VTCN1: variants seen among roughly 807,000 people sequenced by gnomAD.
VTCN1 encodes the protein V-set domain containing T cell activation inhibitor 1.
VTCN1 carries 26 observed loss-of-function variants against 26.5 expected under a neutral mutation model. The observed-to-expected ratio is 0.98, with a 90% CI of 0.72 to 1.36. The LOEUF (loss-of-function observed/expected upper bound fraction) is 1.36, where lower values mean the gene tolerates loss of function less well. Among genes scored for constraint, VTCN1 ranks in the 40% most tolerant of loss-of-function variants. The pLI is 0.00. For synonymous variants in VTCN1, 116 were observed against 130.7 expected (o/e 0.89, Z 0.77); for missense variants, 298 against 337.7 (o/e 0.88, Z 0.92).
At chr1:117,207,824 A>G (rs1479610383) in intron 1 of VTCN1, among the ~76,000 whole-genome samples, 1 of 152,116 alleles carries the variant, frequency 6.6e-6, no homozygotes, top group Non-Finnish European at 1.5e-5. Context: ...CCAATCATTG[A>G]TCAAATATCA....
At chr1:117,204,598 G>T (rs113700403) in intron 1 of VTCN1, among the ~76,000 whole-genome samples, 2,710 of 152,186 alleles carry the variant, frequency 0.018, 80 homozygotes, top group African/African-American at 0.061. Flanking sequence ...CAGTTGCGGT[G>T]GCTCACGCCT....
chr1:117,170,561 T>C (rs2101520452), intron 1 of VTCN1, among the ~76,000 whole-genome samples: 1 of 152,316 alleles, frequency 6.6e-6, no homozygotes, highest in Middle Eastern at 3.4e-3. Flanking sequence ...CACTCTCTTG[T>C]GTCATTTGTC....
At position 117,202,027 on chromosome 1, in the gene VTCN1, C is replaced by G. The variant is rs145499585; in HGVS notation, c.32+8797G>C. Among the ~76,000 whole-genome samples the G allele has an allele frequency of 3.6e-3, 551 of 152,296 alleles. 2 individuals are homozygous for G. The highest frequency in any genetic ancestry group is 0.012 in the African/African-American group (511 of 41,566). On this transcript the variant is annotated intron_variant, in intron 1 of 5. Transcript: ENST00000369458. ...TATCTCAAGCTTTAAGGGCTTATGCCTGGGGCTCCTCTGGATGTGAAAAGA... is the reference window on the plus strand; with the variant it reads ...TATCTCAAGCTTTAAGGGCTTATGCGTGGGGCTCCTCTGGATGTGAAAAGA...
At chr1:117,150,893 T>C (rs1046787930) in intron 4 of VTCN1, among the ~76,000 whole-genome samples, 1 of 152,236 alleles carries the variant, frequency 6.6e-6, no homozygotes, top group African/African-American at 2.4e-5. Context: ...GACTGGCTTA[T>C]TTCACATAGA....
At chr1:117,189,679 T>C (rs1236473147) in intron 1 of VTCN1, among the ~76,000 whole-genome samples, 3 of 152,190 alleles carry the variant, frequency 2.0e-5, no homozygotes, top group African/African-American at 7.2e-5. Context: ...TCATTAGTTA[T>C]CGATAGCTAG....
intron 1 of VTCN1, among the ~76,000 whole-genome samples, chr1:117,178,888 C>G (rs1647524988): frequency 1.3e-5 from 2 of 152,142 alleles, no homozygotes; most frequent in South Asian, 4.1e-4. Context: ...CCACACCCAG[C>G]CTTATGAATG....
At chr1:117,210,785 C>A in intron 1 of VTCN1, 39 bp downstream of exon 1, 1 of 1,610,686 alleles carries the variant, frequency 6.2e-7, no homozygotes, top group Non-Finnish European at 8.5e-7. Flanking sequence ...CACTGCTGTT[C>A]CCTTCACCCA....
At chr1:117,190,252 A>G (rs114426130) in intron 1 of VTCN1, among the ~76,000 whole-genome samples, 1,586 of 152,282 alleles carry the variant, frequency 0.01, 35 homozygotes, top group African/African-American at 0.036. Context: ...CCAACTGAGG[A>G]TTGTGAAGCA....
At chr1:117,200,017 G>A (rs901463371) in intron 1 of VTCN1, among the ~76,000 whole-genome samples, 2 of 152,158 alleles carry the variant, frequency 1.3e-5, no homozygotes, top group Non-Finnish European at 2.9e-5. Flanking sequence ...GAGCATAAAA[G>A]CACACACATT....
rs1648136314 is a variant in VTCN1 at position 117,189,572 on chromosome 1, C to T, written c.33-19401G>A. On this transcript the variant is annotated intron_variant, in intron 1 of 5. Coordinates refer to ENST00000369458, the MANE Select transcript of VTCN1 (RefSeq NM_024626.4). Reference sequence around the variant, plus strand: ...GTGGACTTTCTTCACCCCAAAATAACTCTCATCTTTAGCTTGATAATAAAA... The same window carrying T: ...GTGGACTTTCTTCACCCCAAAATAATTCTCATCTTTAGCTTGATAATAAAA... Among the ~76,000 whole-genome samples the T allele has an allele frequency of 2.0e-5, 3 of 152,100 alleles. No homozygotes were observed. In the South Asian group the frequency reaches 6.2e-4, roughly 31 times the overall value.
intron 1 of VTCN1, among the ~76,000 whole-genome samples, chr1:117,204,930 C>T (rs1239110326): frequency 6.6e-6 from 1 of 151,344 alleles, no homozygotes; most frequent in Non-Finnish European, 1.5e-5. Context: ...GGACAAGCTG[C>T]CTACTTTATT....
At position 117,169,290 on chromosome 1, in the gene VTCN1, T is replaced by G. The variant is rs1570956242; in HGVS notation, c.97+817A>C. Reference sequence around the variant, plus strand: ...CTGCAACTGACATTGGCTAGATACGTTCAGAAACTAACCATCTGTGCTACA... The same window carrying G: ...CTGCAACTGACATTGGCTAGATACGGTCAGAAACTAACCATCTGTGCTACA... On this transcript the variant is annotated intron_variant, in intron 2 of 5. Coordinates refer to ENST00000369458, the MANE Select transcript of VTCN1 (RefSeq NM_024626.4). This position sits in a 1 kb window ranked among gnomAD's most constrained non-coding sequence, Gnocchi z 4.0. Among the ~76,000 whole-genome samples the G allele has an allele frequency of 6.6e-6, 1 of 152,296 alleles. No homozygotes were observed. Among genetic ancestry groups the G allele is most frequent in the East Asian group, 1.9e-4 (1 of 5,178 alleles).
intron 1 of VTCN1, among the ~76,000 whole-genome samples, chr1:117,192,732 G>T (rs897222935): frequency 6.6e-6 from 1 of 152,018 alleles, no homozygotes; most frequent in Non-Finnish European, 1.5e-5. Flanking sequence ...GGTATTTTAC[G>T]TAAGCCTCAG....
Position 117,155,846 on chromosome 1 carries a change from C to T in VTCN1, c.445+728G>A, listed in dbSNP as rs150444691. ...ATCCCTTCCCTCCTATGCATTTGAACGGGATCTCTCTCTTCTTCTCAATCA... is the reference window on the plus strand; with the variant it reads ...ATCCCTTCCCTCCTATGCATTTGAATGGGATCTCTCTCTTCTTCTCAATCA... On this transcript the variant is annotated intron_variant, in intron 3 of 5. Transcript: ENST00000369458. The surrounding 1 kb of genome is among the most constrained non-coding windows in gnomAD (Gnocchi z 4.8). 1.5e-4 allele frequency among the ~76,000 whole-genome samples: 23 copies of T among 152,278 alleles called. No individual in the cohort carries two copies. In the East Asian group the frequency reaches 3.1e-3, roughly 20 times the overall value.
chr1:117,176,379 C>T (rs929312796), intron 1 of VTCN1, among the ~76,000 whole-genome samples: 3 of 152,148 alleles, frequency 2.0e-5, no homozygotes, highest in African/African-American at 7.2e-5. Flanking sequence ...CAGGAGGCCT[C>T]ATGTTTGGAA....
At chr1:117,171,264 T>G (rs1431501834) in intron 1 of VTCN1, among the ~76,000 whole-genome samples, 1 of 152,196 alleles carries the variant, frequency 6.6e-6, no homozygotes, top group Non-Finnish European at 1.5e-5. Context: ...TGATGGACAT[T>G]TGGGTTGGTT....
At chr1:117,209,374 G>A (rs1285261430) in intron 1 of VTCN1, among the ~76,000 whole-genome samples, 1 of 152,206 alleles carries the variant, frequency 6.6e-6, no homozygotes, top group Admixed American at 6.5e-5. Flanking sequence ...AAGGCTGGAG[G>A]AATGGTGGGC....
intron 3 of VTCN1, among the ~76,000 whole-genome samples, chr1:117,154,367 C>G (rs968102893): frequency 1.3e-5 from 2 of 152,216 alleles, no homozygotes; most frequent in African/African-American, 4.8e-5. Context: ...AAAAAATCAA[C>G]TTTTAATTTT....
intron 1 of VTCN1, among the ~76,000 whole-genome samples, chr1:117,205,072 T>C (rs1331796078): frequency 9.5e-6 from 1 of 105,262 alleles, no homozygotes; most frequent in African/African-American, 3.1e-5. Flanking sequence ...TATATATGTA[T>C]ATGTACATGT....
Sources: gnomAD v4.1 joint callset for allele counts (sites outside exome capture counted in the v4.1 genomes callset) on GRCh38, gnomAD v4.1.1 for gene constraint, Gnocchi (gnomAD v3.1) non-coding constraint, MANE v1.5 for transcripts, NCBI Gene and HGNC (gene_info 2026-07-23, HGNC 2026-07-21) for gene names.